GPR35: variants seen among roughly 807,000 people sequenced by gnomAD.
The protein encoded by GPR35 is KYNA receptor.
For synonymous variants in GPR35, 207 were observed against 198.4 expected (o/e 1.04, Z -0.36); for missense variants, 372 against 422.5 (o/e 0.88, Z 1.05).
intron 1 of GPR35, among the ~76,000 whole-genome samples, chr2:240,626,950 A>T (rs1559439082): frequency 6.6e-6 from 1 of 152,178 alleles, no homozygotes; most frequent in Admixed American, 6.5e-5. Context: ...TGCAGAATCA[A>T]AGGGCACTTT....
chr2:240,613,699 A>G (rs1004183473), intron 2 of GPR35, among the ~76,000 whole-genome samples: 3 of 151,636 alleles, frequency 2.0e-5, no homozygotes, highest in Non-Finnish European at 2.9e-5. Context: ...CACTAACTCC[A>G]CCCTATTCCG....
chr2:240,626,769 G>A (rs1004455371), intron 1 of GPR35, among the ~76,000 whole-genome samples: 2 of 152,088 alleles, frequency 1.3e-5, no homozygotes, highest in Non-Finnish European at 2.9e-5. Flanking sequence ...ACCTCACTGC[G>A]TGCCCCCACG....
chr2:240,619,731 C>G (rs1184160345), intron 5 of GPR35, among the ~76,000 whole-genome samples: 2 of 152,262 alleles, frequency 1.3e-5, no homozygotes, highest in African/African-American at 4.8e-5. Context: ...ACTCCTCCCT[C>G]CCCGCCAGAC....
Position 240,630,547 on chromosome 2 carries a change from G to A in GPR35, c.595G>A (p.Ala199Thr). Residue 199 changes from alanine (A) to threonine (T), a missense_variant, in exon 2 of 2, where the codon GCC becomes ACC. By Grantham distance (58) the Ala-to-Thr change is moderately conservative. Transcript: ENST00000407714. ...FCSLKVVTAL[A>T]QRPPTDVGQA... ...CTCCCTGAAGGTGGTGACTGCCCTG[G>A]CCCAGAGGCCACCCACCGACGTGGG... The A allele has an allele frequency of 1.9e-6, 3 of 1,612,834 alleles. No individual in the cohort carries two copies. Among genetic ancestry groups the A allele is most frequent in the Non-Finnish European group, 1.7e-6 (2 of 1,179,914 alleles).
chr2:240,610,431 A>G (rs1340920712), intron 2 of GPR35, among the ~76,000 whole-genome samples: 1 of 152,074 alleles, frequency 6.6e-6, no homozygotes, highest in Non-Finnish European at 1.5e-5. Context: ...TAAAGTATAT[A>G]TCATATCAGG....
chr2:240,620,046 G>A (rs1298798693), intron 5 of GPR35, among the ~76,000 whole-genome samples: 1 of 152,194 alleles, frequency 6.6e-6, no homozygotes, highest in Non-Finnish European at 1.5e-5. Flanking sequence ...AGGGGAAGGA[G>A]TCCGAGAGGG....
intron 2 of GPR35, among the ~76,000 whole-genome samples, chr2:240,613,655 T>C (rs147755528): frequency 8.6e-5 from 13 of 151,672 alleles, no homozygotes; most frequent in East Asian, 3.9e-4. Context: ...TAACCCTAAC[T>C]CAATTCAAAC....
At chr2:240,624,677 C>T (rs2043348483), upstream of GPR35, among the ~76,000 whole-genome samples, 1 of 152,102 alleles carries the variant, frequency 6.6e-6, no homozygotes, top group Admixed American at 6.5e-5. Context: ...GGCTGTGGGG[C>T]CCACGTTGAG....
intron 2 of GPR35, among the ~76,000 whole-genome samples, chr2:240,610,302 G>A (rs969651757): frequency 6.6e-6 from 1 of 152,132 alleles, no homozygotes; most frequent in Non-Finnish European, 1.5e-5. Flanking sequence ...CTATACTAAA[G>A]TCTACTTTGA....
chr2:240,610,044 C>T (rs747510445), intron 2 of GPR35, among the ~76,000 whole-genome samples: 2 of 152,000 alleles, frequency 1.3e-5, no homozygotes, highest in African/African-American at 4.8e-5. Flanking sequence ...ACTGCAACCT[C>T]CGCCTCCTGG....
In GPR35 at chr2:240,630,921, C is replaced by T. The variant is rs375334362; in HGVS notation, c.*39C>T. Reference sequence around the variant, plus strand: ...GGCGCTGTGGGCCAGGTCTCGGGGGCTCCGGGAGGTGCTGCCTGCCAGGGG... The same window carrying T: ...GGCGCTGTGGGCCAGGTCTCGGGGGTTCCGGGAGGTGCTGCCTGCCAGGGG... On this transcript the variant is annotated 3_prime_UTR_variant, in exon 2 of 2. Coordinates refer to ENST00000407714, the MANE Select transcript of GPR35 (RefSeq NM_005301.5). The T allele has an allele frequency of 1.2e-4, 189 of 1,543,520 alleles. No individual in the cohort carries two copies. The African/African-American group carries it at 1.9e-3, about 15-fold the overall frequency.
chr2:240,621,267 A>AT (rs968282754), upstream of GPR35, among the ~76,000 whole-genome samples: 1 of 152,044 alleles, frequency 6.6e-6, no homozygotes, highest in African/African-American at 2.4e-5. Flanking sequence ...TTATTTATTT[A>AT]TTTTTGAGAT....
chr2:240,623,293 G>GAAACAGGTCGTGAGGGTGC (rs2043319791), upstream of GPR35, among the ~76,000 whole-genome samples: 20 of 128,044 alleles, frequency 1.6e-4, no homozygotes, highest in African/African-American at 3.2e-4. Context: ...TGAAGGGCTG[G>GAAACAGGTCGTGAGGGTGC]AAACAGGTCA....
chr2:240,618,032 T>C (rs1428965939), intron 4 of GPR35, among the ~76,000 whole-genome samples: 2 of 152,218 alleles, frequency 1.3e-5, no homozygotes, highest in Non-Finnish European at 2.9e-5. Context: ...ACTGGATTTG[T>C]CGTCATTTTT....
chr2:240,607,047 C>G (rs1559431561), intron 2 of GPR35, among the ~76,000 whole-genome samples: 1 of 152,028 alleles, frequency 6.6e-6, no homozygotes, highest in Non-Finnish European at 1.5e-5. Context: ...TGACATATAC[C>G]CAGGAAGCAA....
chr2:240,615,320 T>G (rs2043228050), intron 2 of GPR35, among the ~76,000 whole-genome samples: 1 of 152,156 alleles, frequency 6.6e-6, no homozygotes, highest in Non-Finnish European at 1.5e-5. Flanking sequence ...CCCTTCTCCG[T>G]CTGTTTCCCC....
upstream of GPR35, among the ~76,000 whole-genome samples, chr2:240,624,226 T>TGGGAGTTGAGATCAGGC (rs11275380): frequency 9.2e-5 from 14 of 152,024 alleles, no homozygotes; most frequent in South Asian, 4.2e-4. Context: ...GAGTGAGGGA[T>TGGGAGTTGAGATCAGGC]GGATGAAATC....
At chr2:240,611,010 A>G (rs1365280155) in intron 2 of GPR35, among the ~76,000 whole-genome samples, 1 of 149,666 alleles carries the variant, frequency 6.7e-6, no homozygotes, top group Non-Finnish European at 1.5e-5. Context: ...TCTGCTCACT[A>G]CAACCTCCAC....
At chr2:240,628,636 G>C (rs551350235) in intron 1 of GPR35, 1 of 152,360 alleles carries the variant, frequency 6.6e-6, no homozygotes, top group Non-Finnish European at 1.5e-5. Context: ...CTGCAGTCAC[G>C]GGGTTTGGGC....
Sources: allele counts gnomAD v4.1 joint callset (sites outside exome capture counted in the v4.1 genomes callset), GRCh38; gene constraint gnomAD v4.1.1; transcripts MANE v1.5; gene names NCBI Gene and HGNC (gene_info 2026-07-23, HGNC 2026-07-21).